BEND5: variants seen among roughly 807,000 people sequenced by gnomAD.
BEND5 encodes the protein BEN domain containing 5.
A neutral mutation model predicts 43.9 loss-of-function variants in BEND5; 22 were observed. The observed-to-expected ratio is 0.50, with a 90% confidence interval of 0.36 to 0.72. BEND5 has a LOEUF of 0.72. BEND5 is among the 30% of genes least tolerant of loss of function. BEND5 has a pLI of 0.00. For synonymous variants in BEND5, 228 were observed against 225.9 expected (o/e 1.01, Z -0.08); for missense variants, 428 against 550.6 (o/e 0.78, Z 2.23).
Position 48,776,658 on chromosome 1 carries a change from G to T in BEND5, c.174C>A (p.Pro58=). Residue 58 remains proline (P), a synonymous_variant, in exon 1 of 6, where the codon CCC becomes CCA. Transcript: ENST00000371833. Reference sequence around the variant, plus strand: ...GGAGCAACAGCGCGCCCCAGTCGCGGGGGGCGCGCGGGGGGCTCTCGGGCC... The same window carrying T: ...GGAGCAACAGCGCGCCCCAGTCGCGTGGGGCGCGCGGGGGGCTCTCGGGCC... The part of the protein sequence containing the change: ...GAGPESPPRA[P]RDWGALLLHK... 1 of 1,493,816 alleles carries T rather than the reference G, an allele frequency of 6.7e-7. No individual in the cohort carries two copies. Among genetic ancestry groups the T allele is most frequent in the Non-Finnish European group, 8.9e-7 (1 of 1,124,732 alleles). The allele number at this position is 1,493,816 out of a possible 1,614,324, so 92.5% of individuals were successfully genotyped here.
intron 5 of BEND5, among the ~76,000 whole-genome samples, chr1:48,733,925 A>G (rs913903183): frequency 1.3e-5 from 2 of 152,240 alleles, no homozygotes; most frequent in African/African-American, 4.8e-5. Flanking sequence ...TGAAGGAGAC[A>G]CACAGCAGAT....
At chr1:48,775,092 CAA>C (rs1451763785) in intron 1 of BEND5, among the ~76,000 whole-genome samples, 1 of 152,154 alleles carries the variant, frequency 6.6e-6, no homozygotes, top group Non-Finnish European at 1.5e-5. Flanking sequence ...AGTAAGCAAA[CAA>C]AATAAAACCT....
chr1:48,768,367 C>A (rs1557971040), intron 1 of BEND5, among the ~76,000 whole-genome samples: 1 of 152,098 alleles, frequency 6.6e-6, no homozygotes, highest in Non-Finnish European at 1.5e-5. Flanking sequence ...CAAATAGGGT[C>A]TCTACTCAAA....
chr1:48,752,180 C>T (rs927432233), intron 3 of BEND5, among the ~76,000 whole-genome samples: 5 of 152,134 alleles, frequency 3.3e-5, no homozygotes, highest in African/African-American at 1.2e-4. Context: ...CTCTTGTCCA[C>T]CCGCTTTGGG....
intron 1 of BEND5, among the ~76,000 whole-genome samples, chr1:48,767,454 AGATTAATGTGACAGTG>A (rs1197081577): frequency 1.3e-5 from 2 of 152,238 alleles, no homozygotes; most frequent in African/African-American, 2.4e-5. Flanking sequence ...TGTTTTAGGA[AGATTAATGTGACAGTG>A]GCAAGCAAGA....
intron 1 of BEND5, among the ~76,000 whole-genome samples, chr1:48,768,488 T>C (rs1184897216): frequency 6.6e-6 from 1 of 152,096 alleles, no homozygotes; most frequent in Non-Finnish European, 1.5e-5. Context: ...AACTTACTAC[T>C]GGGGAAAAAA....
At chr1:48,770,712 CA>C (rs1644776003) in intron 1 of BEND5, among the ~76,000 whole-genome samples, 1 of 152,202 alleles carries the variant, frequency 6.6e-6, no homozygotes, top group South Asian at 2.1e-4. Flanking sequence ...TTTTCCCTTT[CA>C]ACCAGCTACA....
intron 3 of BEND5, among the ~76,000 whole-genome samples, chr1:48,755,003 C>A (rs1652325142): frequency 6.6e-6 from 1 of 152,156 alleles, no homozygotes; most frequent in Admixed American, 6.5e-5. Context: ...CAACTCCATG[C>A]CTCCATGTTG....
At position 48,759,274 on chromosome 1, in the gene BEND5, C is replaced by T. The variant is rs1644127422; in HGVS notation, c.371G>A (p.Gly124Glu). Residue 124 changes from glycine (G) to glutamate (E), a missense_variant, in exon 3 of 6, where the codon GGG (glycine) becomes GAG (glutamate). Gly to Glu is a moderately conservative substitution (Grantham distance 98, BLOSUM62 -2). This residue lies in a region of BEND5 where 243 missense variants were observed against 286.4 expected (regional missense o/e 0.85). Transcript: ENST00000371833. ...LQLRHIKRPE[G>E]RKPSEVAHKS... ...GTGCGCCACTTCGCTCGGCTTCCGCCCCTCAGGTCTCTGTGTAGGACAACG... is the reference window on the plus strand; with the variant it reads ...GTGCGCCACTTCGCTCGGCTTCCGCTCCTCAGGTCTCTGTGTAGGACAACG... 3.9e-6 allele frequency: 6 copies of T among 1,556,548 alleles called. No homozygotes were observed. Among genetic ancestry groups the T allele is most frequent in the Non-Finnish European group, 5.2e-6 (6 of 1,149,878 alleles).
chr1:48,735,155 T>C (rs574489833), intron 5 of BEND5, among the ~76,000 whole-genome samples: 68 of 152,360 alleles, frequency 4.5e-4, no homozygotes, highest in African/African-American at 1.4e-3. Flanking sequence ...CAAAAACCCC[T>C]AAATCCTGAA....
Position 48,776,667 on chromosome 1 carries a change from C to T in BEND5, c.165G>A (p.Pro55=). 1.3e-6 allele frequency: 2 copies of T among 1,497,320 alleles called. No individual in the cohort carries two copies. The highest frequency in any genetic ancestry group is 1.8e-6 in the Non-Finnish European group (2 of 1,126,136). 92.8% of individuals were successfully genotyped at this position (1,497,320 alleles called of 1,614,324 possible). A position where few individuals can be genotyped will look rare whatever the true frequency, so the allele number is the denominator to read the frequency against. Residue 55 remains proline (P), a synonymous_variant, in exon 1 of 6, where the codon CCG becomes CCA. Transcript: ENST00000371833. Reference sequence around the variant, plus strand: ...GCGCGCCCCAGTCGCGGGGGGCGCGCGGGGGGCTCTCGGGCCCGGCGCCCA... The same window carrying T: ...GCGCGCCCCAGTCGCGGGGGGCGCGTGGGGGGCTCTCGGGCCCGGCGCCCA... The part of the protein sequence containing the change: ...EELGAGPESP[P]RAPRDWGALL...
chr1:48,749,352 G>A (rs971437068), intron 3 of BEND5, among the ~76,000 whole-genome samples: 10 of 152,070 alleles, frequency 6.6e-5, no homozygotes, highest in Admixed American at 5.2e-4. Context: ...AGCACCCAGC[G>A]CAATGTCCTC....
At chr1:48,750,647 C>T (rs747694519) in intron 3 of BEND5, among the ~76,000 whole-genome samples, 9 of 152,146 alleles carry the variant, frequency 5.9e-5, no homozygotes, top group Admixed American at 2.6e-4. Context: ...GCACAGGGCT[C>T]GGAACAGAGG....
chr1:48,759,788 C>T (rs1158675516), intron 2 of BEND5, among the ~76,000 whole-genome samples: 2 of 152,170 alleles, frequency 1.3e-5, no homozygotes, highest in Non-Finnish European at 2.9e-5. Flanking sequence ...AACTTTTCAT[C>T]GACAATGCTT....
At chr1:48,774,430 G>C (rs1211628208) in intron 1 of BEND5, among the ~76,000 whole-genome samples, 1 of 152,198 alleles carries the variant, frequency 6.6e-6, no homozygotes, top group African/African-American at 2.4e-5. Flanking sequence ...GTACCCAGGA[G>C]ATCAAAATTC....
At chr1:48,765,492 T>TA (rs1644486029) in intron 1 of BEND5, among the ~76,000 whole-genome samples, 1 of 152,246 alleles carries the variant, frequency 6.6e-6, no homozygotes, top group South Asian at 2.1e-4. Flanking sequence ...GCAGCCATAG[T>TA]AGAGAACATT....
rs749096188 is a variant in BEND5 at position 48,759,264 on chromosome 1, C to T, written c.381G>A (p.Pro127=). 18 of 1,561,454 alleles carry T rather than the reference C, an allele frequency of 1.2e-5. No individual in the cohort carries two copies. Among genetic ancestry groups the T allele is most frequent in the Non-Finnish European group, 1.5e-5 (17 of 1,152,712 alleles). The change falls in exon 3 of 6, where the codon CCG becomes CCA. Residue 127 remains proline, a synonymous_variant. Coordinates refer to ENST00000371833, the MANE Select transcript of BEND5 (RefSeq NM_024603.4). The stretch of plus-strand genomic sequence containing the variant: ...CGATGCTCTTGTGCGCCACTTCGCT[C>T]GGCTTCCGCCCCTCAGGTCTCTGTG... ...RHIKRPEGRK[P]SEVAHKSIEA...
intron 1 of BEND5, among the ~76,000 whole-genome samples, chr1:48,771,424 G>T (rs1456867778): frequency 6.6e-6 from 1 of 152,106 alleles, no homozygotes; most frequent in African/African-American, 2.4e-5. Flanking sequence ...TTTTATTTCT[G>T]CTTATGAACC....
At chr1:48,735,622 C>T (rs1426951721) in intron 5 of BEND5, among the ~76,000 whole-genome samples, 1 of 151,938 alleles carries the variant, frequency 6.6e-6, no homozygotes, top group Non-Finnish European at 1.5e-5. Flanking sequence ...CAAATGACTC[C>T]CTGTCTCTTT....
Sources: gnomAD v4.1 joint callset for allele counts (sites outside exome capture counted in the v4.1 genomes callset) on GRCh38, gnomAD v4.1.1 for gene constraint, gnomAD v4.1.1 regional missense constraint, MANE v1.5 for transcripts, NCBI Gene and HGNC (gene_info 2026-07-23, HGNC 2026-07-21) for gene names.